The following C21orf91 variants were observed in gnomAD, a reference collection of about 807,000 sequenced individuals.
The protein encoded by C21orf91 is protein EURL homolog.
In C21orf91, 26 loss-of-function variants were observed where a neutral mutation model predicts 32.9. The observed-to-expected ratio is 0.79, with a 90% CI of 0.58 to 1.10. The LOEUF is 1.10. C21orf91 is among the 50% of genes least tolerant of loss of function. The probability of loss-of-function intolerance (pLI) is 0.00; values close to 1 mark genes in which losing one functional copy is unlikely to be tolerated. For synonymous variants in C21orf91, 126 were observed against 120.4 expected (o/e 1.05, Z -0.31); for missense variants, 310 against 341.3 (o/e 0.91, Z 0.72).
chr21:17,817,317 C>T (rs1027409386), intron 2 of C21orf91, among the ~76,000 whole-genome samples: 2 of 152,088 alleles, frequency 1.3e-5, no homozygotes, highest in African/African-American at 4.8e-5. Flanking sequence ...AAGAACATTT[C>T]ATACCCCATA....
At chr21:17,817,815 G>C (rs1195437678) in intron 2 of C21orf91, 1 of 157,280 alleles carries the variant, frequency 6.4e-6, no homozygotes, top group Non-Finnish European at 1.4e-5. Context: ...TCAAATACTT[G>C]CATAATAGGC....
chr21:17,797,025 G>A lies in C21orf91; in HGVS notation c.221C>T (p.Pro74Leu). The A allele has an allele frequency of 6.2e-7, 1 of 1,612,172 alleles. No individual in the cohort carries two copies. The highest frequency in any genetic ancestry group is 1.3e-5 in the African/African-American group (1 of 74,988). The change falls in exon 3 of 5, where the codon CCT becomes CTT. Residue 74 changes from proline (P) to leucine (L), a missense_variant. By Grantham distance (98) the Pro-to-Leu change is moderately conservative. Transcript: ENST00000284881. ...AGTACTTTTTGAAAGCTTAGATCGAGGACAACCCTGGTTTGCAATTAAATG... is the reference window on the plus strand; with the variant it reads ...AGTACTTTTTGAAAGCTTAGATCGAAGACAACCCTGGTTTGCAATTAAATG... ...KYHLIANQGC[P>L]RSKLSKSTYE...
rs574657760 is a variant in C21orf91 at position 17,791,068 on chromosome 21, T to C, written c.*2347A>G. ...AATATTTGTGATATTTCATGTTCTC[T>C]TGTTAGAACTCAACTCTGTACCTGA... On this transcript the variant is annotated 3_prime_UTR_variant, in exon 5 of 5. Coordinates refer to ENST00000284881, the MANE Select transcript of C21orf91 (RefSeq NM_001100420.2). The C allele has an allele frequency of 8.5e-4, 117 of 138,308 alleles. No individual in the cohort carries two copies. Among genetic ancestry groups the C allele is most frequent in the African/African-American group, 2.7e-3 (112 of 41,122 alleles). The allele number at this position is 138,308 out of a possible 1,614,324, so 8.6% of individuals were successfully genotyped here.
intron 2 of C21orf91, among the ~76,000 whole-genome samples, chr21:17,812,190 C>T (rs2062636988): frequency 6.6e-6 from 1 of 152,130 alleles, no homozygotes; most frequent in Non-Finnish European, 1.5e-5. Context: ...ATTATTTAAA[C>T]TTATCACCAA....
rs971282718 is a variant in C21orf91 at position 17,796,873 on chromosome 21, G to T, written c.373C>A (p.His125Asn). 7 of 1,613,828 alleles carry T rather than the reference G, an allele frequency of 4.3e-6. No individual in the cohort carries two copies. The highest frequency in any genetic ancestry group is 1.7e-5 in the Admixed American group (1 of 60,014). Residue 125 changes from histidine (H) to asparagine (N), a missense_variant, in exon 3 of 5, where the codon CAT (histidine) becomes AAT (asparagine). His to Asn is a moderately conservative substitution (Grantham distance 68, BLOSUM62 1). Coordinates refer to ENST00000284881, the MANE Select transcript of C21orf91 (RefSeq NM_001100420.2). ...NPQHHLFNFR[H>N]KPEEKLLPQF... Reference sequence around the variant, plus strand: ...GGGAGTAATTTTTCTTCTGGCTTATGCCTGAAATTAAACAGATGATGCTGG... The same window carrying T: ...GGGAGTAATTTTTCTTCTGGCTTATTCCTGAAATTAAACAGATGATGCTGG...
rs2062456684 is a variant in C21orf91 at position 17,789,619 on chromosome 21, C to T, written c.*3796G>A. ...GTTAACAAACTAGATGTTTTGGAGA[C>T]TTGATATAATATGGTTCATATCAAT... On this transcript the variant is annotated 3_prime_UTR_variant, in exon 5 of 5. Transcript: ENST00000284881. 6.6e-6 allele frequency: 1 copy of T among 152,048 alleles called. No individual in the cohort carries two copies. Among genetic ancestry groups the T allele is most frequent in the South Asian group, 2.1e-4 (1 of 4,828 alleles). 9.4% of individuals were successfully genotyped at this position (152,048 alleles called of 1,614,324 possible). A position where few individuals can be genotyped will look rare whatever the true frequency, so the allele number is the denominator to read the frequency against.
chr21:17,818,419 T>C (rs566673381), intron 1 of C21orf91, 94 bp from the exon 2 acceptor site: 2 of 999,944 alleles, frequency 2.0e-6, no homozygotes, highest in Non-Finnish European at 3.0e-6. Context: ...ATAAGGATGC[T>C]GTTCAGCTCA....
chr21:17,803,224 T>G (rs1430537556), intron 2 of C21orf91, among the ~76,000 whole-genome samples: 1 of 152,224 alleles, frequency 6.6e-6, no homozygotes, highest in Non-Finnish European at 1.5e-5. Context: ...GCAGTATTGC[T>G]TCAAAATATT....
chr21:17,800,750 T>C (rs1478144932), intron 2 of C21orf91, among the ~76,000 whole-genome samples: 1 of 152,224 alleles, frequency 6.6e-6, no homozygotes, highest in Non-Finnish European at 1.5e-5. Flanking sequence ...GCCAACGTAA[T>C]TGACTTCCTA....
rs896888853 is a variant in C21orf91 at position 17,808,632 on chromosome 21, GTAAC to G, written c.127+9556_127+9559del. On this transcript the variant is annotated intron_variant, in intron 2 of 4. Transcript: ENST00000284881. ...GATGTAACCTCACTGTATCTTGGAAGTAACTAACTTGTTTTTTAGAGGCTTATAG... is the reference window on the plus strand; with the variant it reads ...GATGTAACCTCACTGTATCTTGGAAGTAACTTGTTTTTTAGAGGCTTATAG... 2.7e-4 allele frequency among the ~76,000 whole-genome samples: 41 copies of G among 152,310 alleles called. 1 individual carries two copies. Among genetic ancestry groups the G allele is most frequent in the African/African-American group, 9.1e-4 (38 of 41,570 alleles).
chr21:17,802,285 C>G (rs547160298), intron 2 of C21orf91, among the ~76,000 whole-genome samples: 3 of 152,188 alleles, frequency 2.0e-5, no homozygotes, highest in Non-Finnish European at 4.4e-5. Context: ...CCCAGCCCCC[C>G]AAGTAGCTGG....
intron 2 of C21orf91, chr21:17,808,809 G>A (rs1303201739): frequency 6.6e-6 from 1 of 152,124 alleles, no homozygotes; most frequent in Non-Finnish European, 1.5e-5. Context: ...GAGGGGCCAG[G>A]GACAGAATGA....
chr21:17,796,471 G>A (rs2062518628), intron 3 of C21orf91, 111 bp downstream of exon 3: 1 of 822,452 alleles, frequency 1.2e-6, no homozygotes, highest in East Asian at 2.5e-5. Context: ...TAAATACAAT[G>A]TTTCCCAAAT....
At position 17,818,193 on chromosome 21, in the gene C21orf91, C is replaced by A; in HGVS notation, c.126G>T (p.Glu42Asp). The A allele has an allele frequency of 6.2e-7, 1 of 1,608,832 alleles. No homozygotes were observed. Among genetic ancestry groups the A allele is most frequent in the East Asian group, 2.2e-5 (1 of 44,848 alleles). The change falls in exon 2 of 5, where the codon GAG becomes GAT. Residue 42 changes from glutamate (E) to aspartate (D), a missense_variant and splice_region_variant. Physicochemically the swap from Glu to Asp is conservative, Grantham distance 45. Transcript: ENST00000284881. ...FCHICFELNI[E>D]GVPKSDLLHT... The stretch of plus-strand genomic sequence containing the variant: ...ATCAAAACTATACTGTGTCCTTACC[C>A]TCAATATTTAGCTCAAAACAAATGT...
intron 2 of C21orf91, among the ~76,000 whole-genome samples, chr21:17,815,820 C>T (rs929687220): frequency 2.0e-5 from 3 of 152,168 alleles, no homozygotes; most frequent in African/African-American, 7.2e-5. Flanking sequence ...GCCACCATGC[C>T]TGGTTAATTT....
At chr21:17,813,693 T>C (rs1765704385) in intron 2 of C21orf91, among the ~76,000 whole-genome samples, 1 of 152,256 alleles carries the variant, frequency 6.6e-6, no homozygotes, top group Non-Finnish European at 1.5e-5. Flanking sequence ...TGTATTATAC[T>C]TACTGGTTGA....
rs1409311688 is a variant in C21orf91, at chr21:17,796,679, C to T, written c.567G>A (p.Trp189Ter). The change falls in exon 3 of 5, where the codon TGG becomes TGA. Residue 189 changes from tryptophan to a stop codon, truncating the protein, a stop_gained. Coordinates refer to ENST00000284881, the MANE Select transcript of C21orf91 (RefSeq NM_001100420.2). LOFTEE classifies it high-confidence loss of function. ...TCTGTGCCTGGTTGTGACTATGAGG[C>T]CACAATACACTGTTACGACATAAAG... ...GATLCRNSVLWPHSHNQAQKK... is the reference protein window; with the variant it reads ...GATLCRNSVL The T allele has an allele frequency of 6.2e-7, 1 of 1,613,496 alleles. No individual in the cohort carries two copies.
At chr21:17,794,932 G>A (rs536208334) in intron 4 of C21orf91, among the ~76,000 whole-genome samples, 1 of 149,666 alleles carries the variant, frequency 6.7e-6, no homozygotes, top group South Asian at 2.1e-4. Flanking sequence ...TGGGTGTAAT[G>A]ACAGTAAGTC....
intron 2 of C21orf91, among the ~76,000 whole-genome samples, chr21:17,804,787 CAG>C (rs1332644292): frequency 1.3e-5 from 2 of 152,196 alleles, no homozygotes; most frequent in Non-Finnish European, 2.9e-5. Flanking sequence ...GCTAAGAGTT[CAG>C]AGAGACAATG....
Sources: gnomAD v4.1 joint callset for allele counts (sites outside exome capture counted in the v4.1 genomes callset) on GRCh38, gnomAD v4.1.1 for gene constraint, MANE v1.5 for transcripts, NCBI Gene and HGNC (gene_info 2026-07-23, HGNC 2026-07-21) for gene names.